Variants in CNTNAP2 observed in about 807,000 individuals in gnomAD.
CNTNAP2 encodes contactin-associated protein-like 2.
In CNTNAP2, 98 loss-of-function variants were observed where a neutral mutation model predicts 155.2. The observed-to-expected ratio is 0.63, with a 90% CI of 0.54 to 0.75. The LOEUF (loss-of-function observed/expected upper bound fraction) is 0.75. Ranked by LOEUF, CNTNAP2 falls within the 30% of genes least tolerant of loss-of-function variation. CNTNAP2 has a pLI of 0.00. For missense variants in CNTNAP2, 1,727 were observed against 1,688.1 expected, an observed-to-expected ratio of 1.02 and a Z score of -0.40; for synonymous variants, 651 against 631.2, an observed-to-expected ratio of 1.03 and a Z score of -0.47.
chr7:146,849,844 C>T (rs908484924), intron 3 of CNTNAP2, among the ~76,000 whole-genome samples: 7 of 152,088 alleles, frequency 4.6e-5, no homozygotes, highest in African/African-American at 1.4e-4. Context: ...GTAGGTCTAG[C>T]CTTGAGAATA....
chr7:146,597,628 A>G (rs1192786038), intron 1 of CNTNAP2, among the ~76,000 whole-genome samples: 3 of 152,046 alleles, frequency 2.0e-5, no homozygotes, highest in African/African-American at 7.2e-5. Context: ...GTTATTTCAC[A>G]ATTTACAAAA....
At chr7:147,815,401 C>T (rs1054550602) in intron 13 of CNTNAP2, among the ~76,000 whole-genome samples, 1 of 152,148 alleles carries the variant, frequency 6.6e-6, no homozygotes, top group Admixed American at 6.5e-5. Context: ...GACTGAAATT[C>T]CTATTTCCTT....
chr7:146,844,716 T>C (rs1366671293), intron 3 of CNTNAP2, among the ~76,000 whole-genome samples: 1 of 152,178 alleles, frequency 6.6e-6, no homozygotes, highest in African/African-American at 2.4e-5. Flanking sequence ...ACCACTATTA[T>C]TTTGTAGGAT....
At chr7:147,074,545 A>G (rs1042737196) in intron 4 of CNTNAP2, among the ~76,000 whole-genome samples, 2 of 152,160 alleles carry the variant, frequency 1.3e-5, no homozygotes, top group African/African-American at 4.8e-5. Flanking sequence ...CAAAAGCCCC[A>G]TTAGATGTAA....
intron 9 of CNTNAP2, among the ~76,000 whole-genome samples, chr7:147,312,064 C>T (rs958471329): frequency 4.6e-5 from 7 of 151,930 alleles, no homozygotes; most frequent in Non-Finnish European, 8.8e-5. Context: ...TTAAAAAGAT[C>T]AGATTTTAAA....
At chr7:148,186,808 T>C (rs937622764) in intron 18 of CNTNAP2, among the ~76,000 whole-genome samples, 1 of 152,162 alleles carries the variant, frequency 6.6e-6, no homozygotes, top group Non-Finnish European at 1.5e-5. Context: ...TTTACCAAAG[T>C]CTCAATGGCC....
intron 23 of CNTNAP2, among the ~76,000 whole-genome samples, chr7:148,413,566 G>C (rs1003023277): frequency 4.7e-5 from 7 of 150,300 alleles, no homozygotes; most frequent in Middle Eastern, 3.5e-3. Context: ...TGTAGGATTG[G>C]TCTAATATCA....
At chr7:146,605,588 C>G (rs192258816) in intron 1 of CNTNAP2, among the ~76,000 whole-genome samples, 4 of 152,210 alleles carry the variant, frequency 2.6e-5, no homozygotes, top group Admixed American at 2.6e-4. Flanking sequence ...TGTAAACTCT[C>G]ATGAATATTT....
intron 2 of CNTNAP2, among the ~76,000 whole-genome samples, chr7:146,812,451 T>TATATATATATAC (rs1803085267): frequency 6.8e-6 from 1 of 147,086 alleles, no homozygotes; most frequent in African/African-American, 2.5e-5. Context: ...AAAAAATATA[T>TATATATATATAC]ATATATATAT....
chr7:146,395,458 T>TC (rs1795606420), intron 1 of CNTNAP2, among the ~76,000 whole-genome samples: 1 of 151,838 alleles, frequency 6.6e-6, no homozygotes, highest in African/African-American at 2.4e-5. Context: ...AAATAGTTTT[T>TC]TTTGTTGCAT....
intron 16 of CNTNAP2, among the ~76,000 whole-genome samples, chr7:148,144,228 T>C (rs1805132693): frequency 1.3e-5 from 2 of 152,254 alleles, no homozygotes; most frequent in South Asian, 4.1e-4. Flanking sequence ...AGTGTCTTCC[T>C]CTGGGACAGA....
intron 4 of CNTNAP2, among the ~76,000 whole-genome samples, chr7:147,103,655 T>C (rs547540266): frequency 6.6e-6 from 1 of 152,114 alleles, no homozygotes; most frequent in South Asian, 2.1e-4. Context: ...TTTTAATTAG[T>C]TTATTTTTTA....
At position 148,172,372 on chromosome 7, in the gene CNTNAP2, C is replaced by T; in HGVS notation, c.2904C>T (p.Thr968=). 6.2e-7 allele frequency: 1 copy of T among 1,614,036 alleles called. No individual in the cohort carries two copies. The highest frequency in any genetic ancestry group is 8.5e-7 in the Non-Finnish European group (1 of 1,180,010). ...TATCCGGATGCTCGGGCCATTGCAC[C>T]AGCTATGGAACAAACTGTGAAAATG... The part of the protein sequence containing the change: ...GFISGCSGHC[T]SYGTNCENGG... Residue 968 remains threonine, a synonymous_variant, in exon 18 of 24, where the codon ACC becomes ACT. Transcript: ENST00000361727.
At chr7:146,537,373 CAT>C (rs1797884954) in intron 1 of CNTNAP2, among the ~76,000 whole-genome samples, 1 of 152,040 alleles carries the variant, frequency 6.6e-6, no homozygotes, top group Admixed American at 6.6e-5. Context: ...ATCTCCTAAA[CAT>C]ATAATTTCTT....
intron 3 of CNTNAP2, among the ~76,000 whole-genome samples, chr7:146,863,093 C>A (rs17170278): frequency 0.031 from 4,707 of 152,076 alleles, 221 homozygotes; most frequent in African/African-American, 0.11. Flanking sequence ...GATTTGATAA[C>A]TTAAAAACTC....
intron 1 of CNTNAP2, among the ~76,000 whole-genome samples, chr7:146,185,676 C>A (rs746400555): frequency 6.6e-6 from 1 of 151,946 alleles, no homozygotes; most frequent in Non-Finnish European, 1.5e-5. Flanking sequence ...TAAAGCAATT[C>A]CTCTAGTTCT....
chr7:147,063,516 G>C (rs1799722567), intron 4 of CNTNAP2, among the ~76,000 whole-genome samples: 1 of 151,978 alleles, frequency 6.6e-6, no homozygotes, highest in African/African-American at 2.4e-5. Context: ...TTTTTTTCTG[G>C]AAAATAAAAA....
chr7:146,492,372 C>T (rs1355378689), intron 1 of CNTNAP2, among the ~76,000 whole-genome samples: 1 of 152,146 alleles, frequency 6.6e-6, no homozygotes, highest in Non-Finnish European at 1.5e-5. Flanking sequence ...GTTCATCTTG[C>T]TCATAAAAAT....
intron 3 of CNTNAP2, among the ~76,000 whole-genome samples, chr7:147,041,806 C>G (rs1799263998): frequency 6.6e-6 from 1 of 152,106 alleles, no homozygotes; most frequent in Non-Finnish European, 1.5e-5. Flanking sequence ...AGTTAATTTT[C>G]AAGTTGAAAT....
Sources: gnomAD v4.1 joint callset for allele counts (sites outside exome capture counted in the v4.1 genomes callset) on GRCh38, gnomAD v4.1.1 for gene constraint, MANE v1.5 for transcripts, NCBI Gene and HGNC (gene_info 2026-07-23, HGNC 2026-07-21) for gene names.